Variants in C1orf21 observed in about 807,000 individuals in gnomAD.
C1orf21 encodes chromosome 1 open reading frame 21.
In C1orf21, 3 loss-of-function variants were observed where a neutral mutation model predicts 18.7. That is an observed-to-expected ratio of 0.16 (90% CI 0.07 to 0.42). The LOEUF is 0.42. C1orf21 is among the 10% of genes least tolerant of loss of function. The pLI is 0.99. For synonymous variants in C1orf21, 41 were observed against 46.4 expected, an observed-to-expected ratio of 0.88 and a Z score of 0.47; for missense variants, 104 against 143.6, an observed-to-expected ratio of 0.72 and a Z score of 1.41.
At chr1:184,412,912 A>G (rs991790775) in intron 1 of C1orf21, among the ~76,000 whole-genome samples, 6 of 152,230 alleles carry the variant, frequency 3.9e-5, no homozygotes, top group African/African-American at 1.2e-4. Context: ...TCTCCTTGTG[A>G]AGGGACATTG....
At chr1:184,446,113 A>G (rs1437240659) in intron 1 of C1orf21, among the ~76,000 whole-genome samples, 1 of 152,174 alleles carries the variant, frequency 6.6e-6, no homozygotes, top group African/African-American at 2.4e-5. Context: ...ATCAAAGTAA[A>G]TGCAAAGCAA....
intron 3 of C1orf21, among the ~76,000 whole-genome samples, chr1:184,559,540 T>TTCCTTCCCCCCG (rs2101985348): frequency 7.4e-6 from 1 of 134,442 alleles, no homozygotes; most frequent in South Asian, 2.6e-4. Context: ...CCTTCCTTCC[T>TTCCTTCCCCCCG]TCCTTCCTTC....
chr1:184,483,754 C>T, intron 2 of C1orf21, among the ~76,000 whole-genome samples: 1 of 152,108 alleles, frequency 6.6e-6, no homozygotes, highest in Non-Finnish European at 1.5e-5. Flanking sequence ...CATTTTTTGG[C>T]ACCACTATCA....
intron 1 of C1orf21, among the ~76,000 whole-genome samples, chr1:184,415,790 G>T (rs1226041876): frequency 6.6e-6 from 1 of 152,128 alleles, no homozygotes; most frequent in Non-Finnish European, 1.5e-5. Context: ...GCAAATCGAA[G>T]ATTTTGGATT....
intron 3 of C1orf21, among the ~76,000 whole-genome samples, chr1:184,557,876 A>G (rs7528356): frequency 0.13 from 20,245 of 152,122 alleles, 2,556 homozygotes; most frequent in African/African-American, 0.34. Context: ...TGATGGAGCC[A>G]TTCATTCTAG....
chr1:184,426,617 A>G (rs963063340), intron 1 of C1orf21, among the ~76,000 whole-genome samples: 4 of 152,120 alleles, frequency 2.6e-5, no homozygotes, highest in Admixed American at 2.6e-4. Context: ...GCAAACTCCT[A>G]TCTTGATTCT....
At chr1:184,475,926 TC>T (rs1657564967) in intron 1 of C1orf21, among the ~76,000 whole-genome samples, 1 of 152,146 alleles carries the variant, frequency 6.6e-6, no homozygotes, top group African/African-American at 2.4e-5. Context: ...ACTCTACACT[TC>T]CTATTAATAA....
At chr1:184,595,661 C>T (rs1046475042) in intron 4 of C1orf21, among the ~76,000 whole-genome samples, 2 of 152,106 alleles carry the variant, frequency 1.3e-5, no homozygotes, top group Non-Finnish European at 2.9e-5. Context: ...CGGATGACAC[C>T]ATATCTGAGA....
intron 1 of C1orf21, among the ~76,000 whole-genome samples, chr1:184,435,092 G>A (rs578197467): frequency 4.3e-4 from 66 of 152,202 alleles, no homozygotes; most frequent in African/African-American, 1.5e-3. Context: ...TTGGAAGTAG[G>A]GTATAGAGCA....
In C1orf21 at chr1:184,624,243, T is replaced by C. The variant is rs1224686971; in HGVS notation, c.*4687T>C. 2 of 152,632 alleles carry C rather than the reference T, an allele frequency of 1.3e-5. No homozygotes were observed. Among genetic ancestry groups the C allele is most frequent in the African/African-American group, 2.4e-5 (1 of 41,446 alleles). The allele number at this position is 152,632 out of a possible 1,614,324, so 9.5% of individuals were successfully genotyped here. A position where few individuals can be genotyped will look rare whatever the true frequency, so the allele number is the denominator to read the frequency against. On this transcript the variant is annotated 3_prime_UTR_variant, in exon 6 of 6. Transcript: ENST00000235307. ...CTCTCTGGCTTCTCACCAGCTTGGT[T>C]TCCTCATGGGGAGTGTTTTATTTGG...
chr1:184,616,692 G>GT (rs1659829282), intron 5 of C1orf21, among the ~76,000 whole-genome samples: 2 of 146,974 alleles, frequency 1.4e-5, no homozygotes, highest in Admixed American at 7.1e-5. Flanking sequence ...GTGTGTGCTT[G>GT]TGTGTGCACA....
chr1:184,602,269 G>A (rs1462777084), intron 5 of C1orf21, among the ~76,000 whole-genome samples: 1 of 152,158 alleles, frequency 6.6e-6, no homozygotes, highest in Non-Finnish European at 1.5e-5. Flanking sequence ...TTCACATGCT[G>A]GTGGTGGGAG....
intron 2 of C1orf21, among the ~76,000 whole-genome samples, chr1:184,482,147 G>A (rs1194395637): frequency 3.3e-5 from 5 of 152,126 alleles, no homozygotes; most frequent in Non-Finnish European, 7.3e-5. Context: ...GGGGATGGCT[G>A]GAGTTCATCT....
At chr1:184,450,080 G>A (rs1307404065) in intron 1 of C1orf21, among the ~76,000 whole-genome samples, 2 of 152,142 alleles carry the variant, frequency 1.3e-5, no homozygotes, top group African/African-American at 4.8e-5. Context: ...TTATGAGTCA[G>A]TTGCTTAGAA....
chr1:184,418,012 C>T (rs1176693389), intron 1 of C1orf21, among the ~76,000 whole-genome samples: 1 of 152,158 alleles, frequency 6.6e-6, no homozygotes, highest in Admixed American at 6.5e-5. Flanking sequence ...AGTGGGCATT[C>T]CCACCCTTGC....
At chr1:184,388,641 T>TTTA (rs972988696) in intron 1 of C1orf21, among the ~76,000 whole-genome samples, 7 of 151,734 alleles carry the variant, frequency 4.6e-5, no homozygotes, top group Non-Finnish European at 1.0e-4. Context: ...TTTTTTTTTT[T>TTTA]GTAGGAGACT....
intron 1 of C1orf21, among the ~76,000 whole-genome samples, chr1:184,465,950 C>G (rs1467512801): frequency 2.0e-5 from 3 of 152,176 alleles, no homozygotes; most frequent in African/African-American, 7.2e-5. Context: ...CTGCCGTCTC[C>G]TGGTGGTCAG....
intron 1 of C1orf21, among the ~76,000 whole-genome samples, chr1:184,411,430 T>C (rs1233229682): frequency 7.0e-6 from 1 of 143,150 alleles, no homozygotes; most frequent in East Asian, 2.0e-4. Context: ...TTTTTTTTTT[T>C]TTTTTTTTTG....
At chr1:184,490,847 G>A (rs1657806338) in intron 2 of C1orf21, among the ~76,000 whole-genome samples, 1 of 151,932 alleles carries the variant, frequency 6.6e-6, no homozygotes, top group African/African-American at 2.4e-5. Context: ...TTATCTCTGG[G>A]TGGTGCTGAT....
Sources: gnomAD v4.1 joint callset for allele counts (sites outside exome capture counted in the v4.1 genomes callset) on GRCh38, gnomAD v4.1.1 for gene constraint, MANE v1.5 for transcripts, NCBI Gene and HGNC (gene_info 2026-07-23, HGNC 2026-07-21) for gene names.